Variants in PRKG1 observed in about 807,000 individuals in gnomAD.
The protein encoded by PRKG1 is cGMP-dependent protein kinase 1.
In PRKG1, 35 loss-of-function variants were observed where a neutral mutation model predicts 88.1. That is an observed-to-expected ratio of 0.40 (90% CI 0.30 to 0.53). The LOEUF (loss-of-function observed/expected upper bound fraction) is 0.53, where lower values mean the gene tolerates loss of function less well. Among genes scored for constraint, PRKG1 ranks in the 20% least tolerant of loss-of-function variants. The probability of loss-of-function intolerance (pLI) is 0.59; values close to 1 mark genes in which losing one functional copy is unlikely to be tolerated. For missense variants in PRKG1, 540 were observed against 839.8 expected, an observed-to-expected ratio of 0.64 and a Z score of 4.41; for synonymous variants, 303 against 292.5, an observed-to-expected ratio of 1.04 and a Z score of -0.37.
intron 9 of PRKG1, among the ~76,000 whole-genome samples, chr10:52,233,726 G>C (rs1387835298): frequency 2.9e-4 from 43 of 147,940 alleles, no homozygotes; most frequent in African/African-American, 8.8e-4. Flanking sequence ...AGGCGGCAGC[G>C]AGGCTGGGGG....
chr10:51,347,918 C>G (rs1842150438), intron 2 of PRKG1, among the ~76,000 whole-genome samples: 2 of 151,922 alleles, frequency 1.3e-5, no homozygotes, highest in South Asian at 4.2e-4. Flanking sequence ...AAAAAATTAG[C>G]CGGGCATGGT....
chr10:52,263,749 A>AT (rs35346472), intron 10 of PRKG1, among the ~76,000 whole-genome samples: 4,440 of 151,708 alleles, frequency 0.029, 101 homozygotes, highest in Middle Eastern at 0.054. Context: ...TAATTTTTGT[A>AT]TTTTTTGTAG....
At chr10:51,386,310 C>T (rs890936748) in intron 2 of PRKG1, among the ~76,000 whole-genome samples, 15 of 151,960 alleles carry the variant, frequency 9.9e-5, no homozygotes, top group African/African-American at 2.9e-4. Flanking sequence ...TTTAAAGAAA[C>T]GTTAAGGAAT....
At chr10:51,165,941 A>G (rs1846526369) in intron 2 of PRKG1, among the ~76,000 whole-genome samples, 1 of 152,196 alleles carries the variant, frequency 6.6e-6, no homozygotes, top group African/African-American at 2.4e-5. Context: ...AGCCTATTGT[A>G]ATAACTTTCA....
intron 5 of PRKG1, among the ~76,000 whole-genome samples, chr10:52,013,863 C>A (rs1316143357): frequency 6.6e-6 from 1 of 152,196 alleles, no homozygotes; most frequent in Admixed American, 6.5e-5. Context: ...TTCCTCTTTA[C>A]TCACCTCTGT....
At chr10:52,027,779 T>C (rs1293749243) in intron 5 of PRKG1, among the ~76,000 whole-genome samples, 2 of 139,968 alleles carry the variant, frequency 1.4e-5, no homozygotes, top group Non-Finnish European at 3.0e-5. Context: ...TGTTCTATCT[T>C]TATTATTATT....
At chr10:51,821,212 GC>G (rs1266318665) in intron 4 of PRKG1, among the ~76,000 whole-genome samples, 1 of 152,036 alleles carries the variant, frequency 6.6e-6, no homozygotes, top group Non-Finnish European at 1.5e-5. Context: ...ACATTCTCTT[GC>G]ATAAATATGC....
intron 5 of PRKG1, among the ~76,000 whole-genome samples, chr10:51,971,731 A>G (rs16925357): frequency 0.095 from 14,430 of 152,144 alleles, 1,831 homozygotes; most frequent in African/African-American, 0.28. Flanking sequence ...GGAACACTTC[A>G]TCCTAATGTA....
chr10:51,581,517 G>A (rs753605095), intron 3 of PRKG1, among the ~76,000 whole-genome samples: 7 of 151,998 alleles, frequency 4.6e-5, no homozygotes, highest in Admixed American at 2.0e-4. Context: ...CACAAGGGTC[G>A]CATTCCATTC....
chr10:51,967,877 T>C (rs1263098181), intron 5 of PRKG1, among the ~76,000 whole-genome samples: 1 of 152,166 alleles, frequency 6.6e-6, no homozygotes, highest in African/African-American at 2.4e-5. Flanking sequence ...TGCTTCTTCA[T>C]TTTCTCAGTT....
intron 4 of PRKG1, among the ~76,000 whole-genome samples, chr10:51,883,532 C>A (rs1564691494): frequency 6.6e-6 from 1 of 151,980 alleles, no homozygotes; most frequent in Non-Finnish European, 1.5e-5. Context: ...CATGATTTAC[C>A]CATAGGTTAA....
chr10:51,211,111 T>G (rs1838205188), intron 2 of PRKG1, among the ~76,000 whole-genome samples: 1 of 152,166 alleles, frequency 6.6e-6, no homozygotes, highest in Non-Finnish European at 1.5e-5. Context: ...AAAAAGCTTA[T>G]CCAACATGAT....
intron 5 of PRKG1, among the ~76,000 whole-genome samples, chr10:51,979,483 A>C (rs1589479241): frequency 7.7e-6 from 1 of 129,890 alleles, no homozygotes; most frequent in Admixed American, 9.8e-5. Flanking sequence ...CTGGCCTCAT[A>C]GAATGAGTTA....
At chr10:52,010,585 C>G (rs1844855433) in intron 5 of PRKG1, among the ~76,000 whole-genome samples, 1 of 152,008 alleles carries the variant, frequency 6.6e-6, no homozygotes, top group African/African-American at 2.4e-5. Flanking sequence ...TGTAACAAAC[C>G]TGCACATGAA....
At chr10:51,891,510 ATTC>A (rs1416665937) in intron 4 of PRKG1, among the ~76,000 whole-genome samples, 1 of 152,182 alleles carries the variant, frequency 6.6e-6, no homozygotes, top group African/African-American at 2.4e-5. Context: ...AAGGTCATAT[ATTC>A]TTGCATTTAT....
intron 10 of PRKG1, among the ~76,000 whole-genome samples, chr10:52,256,766 A>G (rs1841318336): frequency 7.2e-6 from 1 of 139,788 alleles, no homozygotes; most frequent in Non-Finnish European, 1.6e-5. Context: ...TTATTCCAAT[A>G]TAAGTAAGAG....
intron 3 of PRKG1, among the ~76,000 whole-genome samples, chr10:51,737,930 AT>A (rs34484249): frequency 0.072 from 10,868 of 149,986 alleles, 433 homozygotes; most frequent in South Asian, 0.13. Context: ...CGCCTGGCTA[AT>A]TTTTTTTTGT....
chr10:51,363,833 T>G (rs1842536237), intron 2 of PRKG1, among the ~76,000 whole-genome samples: 1 of 151,998 alleles, frequency 6.6e-6, no homozygotes. Flanking sequence ...CGTAAGGTTT[T>G]TTGCATGCAC....
chr10:51,377,086 A>G (rs1053237168), intron 2 of PRKG1, among the ~76,000 whole-genome samples: 1 of 142,220 alleles, frequency 7.0e-6, no homozygotes, highest in African/African-American at 2.8e-5. Context: ...GTTAGCAGTT[A>G]AAAAAAAAAA....
Sources: allele counts gnomAD v4.1 joint callset (sites outside exome capture counted in the v4.1 genomes callset), GRCh38; gene constraint gnomAD v4.1.1; transcripts MANE v1.5; gene names NCBI Gene and HGNC (gene_info 2026-07-23, HGNC 2026-07-21).